Variants in KNL1 observed in about 807,000 individuals in gnomAD.
KNL1 encodes the protein kinetochore scaffold 1.
In KNL1, 66 loss-of-function variants were observed where a neutral mutation model predicts 201.3. That is an observed-to-expected ratio of 0.33 (90% CI 0.27 to 0.40). The LOEUF (loss-of-function observed/expected upper bound fraction) is 0.40. KNL1 is among the 10% of genes least tolerant of loss of function. The pLI, the probability that KNL1 is intolerant of heterozygous loss-of-function variation, is 1.00. For synonymous variants in KNL1, 895 were observed against 899.2 expected, an observed-to-expected ratio of 1.00 and a Z score of 0.08; for missense variants, 2,815 against 2,690.5, an observed-to-expected ratio of 1.05 and a Z score of -1.02.
chr15:40,631,388 G>A (rs1243118826), intron 13 of KNL1, among the ~76,000 whole-genome samples: 1 of 152,096 alleles, frequency 6.6e-6, no homozygotes, highest in African/African-American at 2.4e-5. Context: ...TGGCTAGTCT[G>A]TGGGACATAC....
At chr15:40,653,630 T>G (rs1053516288) in intron 21 of KNL1, among the ~76,000 whole-genome samples, 3 of 152,224 alleles carry the variant, frequency 2.0e-5, no homozygotes, top group African/African-American at 7.2e-5. Flanking sequence ...CTATAGTGAT[T>G]ACTGAAAATC....
chr15:40,629,489 C>CTTTTTTTT (rs1892847138), intron 13 of KNL1, 118 bp downstream of exon 13: 1 of 229,014 alleles, frequency 4.4e-6, no homozygotes, highest in Admixed American at 1.1e-4. Flanking sequence ...TTTTTTTTTG[C>CTTTTTTTT]CTTTTCTTTT....
Position 40,625,579 on chromosome 15 carries a change from A to C in KNL1, c.5315A>C (p.His1772Pro), listed in dbSNP as rs1425920212. 6.2e-7 allele frequency: 1 copy of C among 1,607,744 alleles called. No individual in the cohort carries two copies. Reference protein sequence around the residue: ...RTWVQEEEDIHKEKKIRKNEI... With the variant: ...RTWVQEEEDIPKEKKIRKNEI... Reference sequence around the variant, plus strand: ...TGGGTACAAGAAGAAGAAGATATTCATAAGGAGAAAAAAATCAGAAAAAAT... The same window carrying C: ...TGGGTACAAGAAGAAGAAGATATTCCTAAGGAGAAAAAAATCAGAAAAAAT... Residue 1772 changes from histidine (H) to proline (P), a missense_variant, in exon 10 of 26, where the codon CAT (histidine) becomes CCT (proline). His to Pro is a moderately conservative substitution (Grantham distance 77). This residue lies in a region of KNL1 where 2,464 missense variants were observed against 2,291.7 expected (regional missense o/e 1.08). Coordinates refer to ENST00000399668, the MANE Select transcript of KNL1 (RefSeq NM_144508.5).
chr15:40,657,536 G>A (rs1156930265), intron 24 of KNL1, 63 bp downstream of exon 24: 2 of 851,104 alleles, frequency 2.3e-6, no homozygotes, highest in Non-Finnish European at 4.0e-6. Context: ...ACCTTAACAG[G>A]TTCTGGAGGC....
chr15:40,595,683 T>C (rs1031418776), intron 1 of KNL1, among the ~76,000 whole-genome samples: 2 of 152,238 alleles, frequency 1.3e-5, no homozygotes, highest in African/African-American at 4.8e-5. Flanking sequence ...TAATGTTTTA[T>C]ATGTGCACTC....
chr15:40,654,506 ACT>A (rs1351532525), intron 21 of KNL1, among the ~76,000 whole-genome samples: 4 of 151,552 alleles, frequency 2.6e-5, no homozygotes, highest in African/African-American at 4.8e-5. Context: ...TGTGGAAAAA[ACT>A]CTGCTACACA....
chr15:40,638,161 C>A (rs893878463), intron 13 of KNL1, among the ~76,000 whole-genome samples: 1 of 148,012 alleles, frequency 6.8e-6, no homozygotes. Flanking sequence ...GCACTCCAGC[C>A]TGGATGACAG....
chr15:40,613,435 A>G (rs1026677191), intron 7 of KNL1, among the ~76,000 whole-genome samples: 1 of 152,202 alleles, frequency 6.6e-6, no homozygotes, highest in Admixed American at 6.5e-5. Flanking sequence ...ATATGAAAGT[A>G]TTACCTATTA....
intron 8 of KNL1, among the ~76,000 whole-genome samples, chr15:40,618,691 A>G (rs1892420472): frequency 6.6e-6 from 1 of 152,156 alleles, no homozygotes; most frequent in Non-Finnish European, 1.5e-5. Context: ...CAAAAGATAA[A>G]TGTTTGAGGT....
chr15:40,606,786 G>C (rs865891533), intron 4 of KNL1, among the ~76,000 whole-genome samples: 5 of 152,054 alleles, frequency 3.3e-5, no homozygotes, highest in African/African-American at 1.2e-4. Flanking sequence ...TTTAGAAACA[G>C]GGTCTGACTG....
chr15:40,657,586 T>A, intron 24 of KNL1, 113 bp downstream of exon 24: 1 of 627,500 alleles, frequency 1.6e-6, no homozygotes, highest in Non-Finnish European at 2.9e-6. Context: ...TGTTATTCTT[T>A]CTGAGGGCTG....
intron 13 of KNL1, among the ~76,000 whole-genome samples, chr15:40,630,660 T>C (rs78675416): frequency 3.3e-4 from 51 of 152,278 alleles, no homozygotes; most frequent in Non-Finnish European, 6.5e-4. Flanking sequence ...AGGATCTAGA[T>C]TGTGTACCCC....
rs1891556681 is a variant in KNL1 at position 40,594,383 on chromosome 15, GC to G, written c.-25del. 6.6e-6 allele frequency: 1 copy of G among 152,270 alleles called. No homozygotes were observed. Among genetic ancestry groups the G allele is most frequent in the African/African-American group, 2.4e-5 (1 of 41,472 alleles). 9.4% of individuals were successfully genotyped at this position (152,270 alleles called of 1,614,324 possible). ...TGCGCAAAATTTGTCGAGGAGGTTTGCCGCGGCAGGTAAAGAGAATGACTCT... is the reference window on the plus strand; with the variant it reads ...TGCGCAAAATTTGTCGAGGAGGTTTGCGCGGCAGGTAAAGAGAATGACTCT... On this transcript the variant is annotated 5_prime_UTR_variant, in exon 1 of 26. Transcript: ENST00000399668.
rs775039034 is a variant in KNL1, at chr15:40,651,995, C to T, written c.6315-10C>T. 4.4e-5 allele frequency: 71 copies of T among 1,597,648 alleles called. No homozygotes were observed. Among genetic ancestry groups the T allele is most frequent in the Non-Finnish European group, 5.5e-5 (64 of 1,167,428 alleles). On this transcript the variant is annotated splice_polypyrimidine_tract_variant and intron_variant, in intron 20 of 25. Transcript: ENST00000399668. Reference sequence around the variant, plus strand: ...AACGCTTTTTAAAAATCTTGTTTATCTCTCTACAGCTTGTCTGAGTGGGAT... The same window carrying T: ...AACGCTTTTTAAAAATCTTGTTTATTTCTCTACAGCTTGTCTGAGTGGGAT...
At chr15:40,659,282 A>G (rs907219803) in intron 24 of KNL1, 57 bp from the exon 25 acceptor site, 1 of 1,504,144 alleles carries the variant, frequency 6.6e-7, no homozygotes, top group African/African-American at 1.4e-5. Context: ...AAAAAAAGAA[A>G]TTGTGTTTCA....
Position 40,628,188 on chromosome 15 carries a change from G to A in KNL1, c.5495G>A (p.Gly1832Glu). Reference sequence around the variant, plus strand: ...TCTCTGGATTCAATCAAGGCTGATGGGACCTCTCTGGACTTCAGCAGTAAG... The same window carrying A: ...TCTCTGGATTCAATCAAGGCTGATGAGACCTCTCTGGACTTCAGCAGTAAG... ...SSSLDSIKAD[G>E]TSLDFSTYRS... The change falls in exon 11 of 26, where the codon GGG becomes GAG. Residue 1832 changes from glycine to glutamate, a missense_variant. Around this residue, in one of 3 missense-constraint regions of KNL1, gnomAD observed 2,464 missense variants for 2,291.7 expected, o/e 1.08. Transcript: ENST00000399668. 4 of 1,602,766 alleles carry A rather than the reference G, an allele frequency of 2.5e-6. No individual in the cohort carries two copies. Among genetic ancestry groups the A allele is most frequent in the Non-Finnish European group, 3.4e-6 (4 of 1,176,564 alleles).
At chr15:40,661,016 T>C (rs1029775453) in intron 25 of KNL1, among the ~76,000 whole-genome samples, 7 of 152,208 alleles carry the variant, frequency 4.6e-5, no homozygotes, top group Admixed American at 6.5e-5. Context: ...CCTCCTAGAC[T>C]GTGACGTATT....
intron 7 of KNL1, among the ~76,000 whole-genome samples, chr15:40,612,692 T>C (rs1295436346): frequency 6.6e-6 from 1 of 151,986 alleles, no homozygotes; most frequent in Non-Finnish European, 1.5e-5. Context: ...AATTTTGTTG[T>C]ATTTTTAGTA....
chr15:40,632,054 G>C (rs1231753599), intron 13 of KNL1, among the ~76,000 whole-genome samples: 1 of 148,706 alleles, frequency 6.7e-6, no homozygotes, highest in African/African-American at 2.5e-5. Context: ...ACTTTGAAAA[G>C]ACAATAAAAT....
Sources: gnomAD v4.1 joint callset for allele counts (sites outside exome capture counted in the v4.1 genomes callset) on GRCh38, gnomAD v4.1.1 for gene constraint, gnomAD v4.1.1 regional missense constraint, MANE v1.5 for transcripts, NCBI Gene and HGNC (gene_info 2026-07-23, HGNC 2026-07-21) for gene names.